The following RUNX1 variants were observed in gnomAD, a reference collection of about 807,000 sequenced individuals.
RUNX1 encodes RUNX family transcription factor 1.
RUNX1 carries 19 observed loss-of-function variants against 42.8 expected under a neutral mutation model. That is an observed-to-expected ratio of 0.44 (90% CI 0.31 to 0.65). The LOEUF is 0.65. Among genes scored for constraint, RUNX1 ranks in the 30% least tolerant of loss-of-function variants. RUNX1 has a pLI of 0.07. For synonymous variants in RUNX1, 271 were observed against 289.4 expected (o/e 0.94, Z 0.64); for missense variants, 528 against 672.0 (o/e 0.79, Z 2.37).
intron 2 of RUNX1, among the ~76,000 whole-genome samples, chr21:35,039,721 G>A (rs1028973962): frequency 2.6e-5 from 4 of 152,308 alleles, no homozygotes; most frequent in Admixed American, 1.3e-4. Flanking sequence ...TAATGATATG[G>A]AATGATTGAC....
rs58376686 is a variant in RUNX1, at chr21:34,879,409, T to A, written c.508+1148A>T. Reference sequence around the variant, plus strand: ...ATGAAAATGCTCCAGATAGCTAGGATAGCAAAAATAATCACCAAAATAATC... The same window carrying A: ...ATGAAAATGCTCCAGATAGCTAGGAAAGCAAAAATAATCACCAAAATAATC... On this transcript the variant is annotated intron_variant, in intron 5 of 8. Transcript: ENST00000675419. 2.4e-3 allele frequency among the ~76,000 whole-genome samples: 363 copies of A among 152,270 alleles called. 4 individuals are homozygous for A. The highest frequency in any genetic ancestry group is 8.3e-3 in the African/African-American group (346 of 41,570).
intron 2 of RUNX1, among the ~76,000 whole-genome samples, chr21:34,930,297 A>ATATATATGT (rs1569110430): frequency 3.1e-5 from 4 of 131,042 alleles, no homozygotes; most frequent in African/African-American, 1.1e-4. Flanking sequence ...TATATAAATA[A>ATATATATGT]ATAAATAAAA....
chr21:34,911,428 T>C (rs1464900953), intron 2 of RUNX1, among the ~76,000 whole-genome samples: 2 of 152,148 alleles, frequency 1.3e-5, no homozygotes, highest in East Asian at 3.9e-4. Flanking sequence ...CCAAGGTGCC[T>C]GACAGCTGCA....
intron 7 of RUNX1, among the ~76,000 whole-genome samples, chr21:34,802,719 TC>T: frequency 1.3e-5 from 2 of 152,308 alleles, no homozygotes; most frequent in South Asian, 4.1e-4. Flanking sequence ...CCTAGTGGTA[TC>T]TATTACATGC....
chr21:34,848,720 C>T (rs2057351925), intron 6 of RUNX1, among the ~76,000 whole-genome samples: 2 of 152,200 alleles, frequency 1.3e-5, no homozygotes, highest in African/African-American at 2.4e-5. Context: ...CAGGCGTGAG[C>T]TACCGCGCCC....
At chr21:34,890,653 G>C (rs2058070592) in intron 3 of RUNX1, among the ~76,000 whole-genome samples, 2 of 152,228 alleles carry the variant, frequency 1.3e-5, no homozygotes, top group Admixed American at 6.5e-5. Context: ...AATGGACCTG[G>C]GGTCTCGGAA....
chr21:34,867,589 A>T (rs1223636715), intron 5 of RUNX1, among the ~76,000 whole-genome samples: 1 of 152,238 alleles, frequency 6.6e-6, no homozygotes, highest in African/African-American at 2.4e-5. Flanking sequence ...GGTTTGCAAA[A>T]GGAGTGGAGG....
intron 8 of RUNX1, among the ~76,000 whole-genome samples, chr21:34,794,487 T>C (rs1456276305): frequency 6.6e-6 from 1 of 152,248 alleles, no homozygotes; most frequent in Non-Finnish European, 1.5e-5. Context: ...ATGTAGGACC[T>C]TGATTTATCT....
intron 2 of RUNX1, chr21:35,038,611 C>CTGTGTGTGTG (rs1234796159): frequency 6.9e-6 from 2 of 288,294 alleles, no homozygotes; most frequent in Admixed American, 4.0e-5. Flanking sequence ...CTCTCTCTCT[C>CTGTGTGTGTG]TCTGTGTGTG....
At chr21:34,833,740 C>T (rs577973100) in intron 7 of RUNX1, 37 of 169,310 alleles carry the variant, frequency 2.2e-4, no homozygotes, top group Non-Finnish European at 4.3e-4. Context: ...CAGTCATTGA[C>T]GTCACTGGTC....
At chr21:34,811,580 T>C (rs1318391365) in intron 7 of RUNX1, among the ~76,000 whole-genome samples, 2 of 152,254 alleles carry the variant, frequency 1.3e-5, no homozygotes, top group African/African-American at 2.4e-5. Context: ...CCAAGAGCTC[T>C]GAACGGCTTT....
rs117846350 is a variant in RUNX1, at chr21:34,950,603, G to A, written c.59-57640C>T. 8.6e-3 allele frequency among the ~76,000 whole-genome samples: 1,313 copies of A among 152,312 alleles called. 10 individuals are homozygous for A. Among genetic ancestry groups the A allele is most frequent in the Middle Eastern group, 0.037 (11 of 294 alleles). On this transcript the variant is annotated intron_variant, in intron 2 of 8. Transcript: ENST00000675419. ...AATACAAAAATTAGCTGCGCATGGTGGCGGGTGCCTGTAGTCTCAGCTATT... is the reference window on the plus strand; with the variant it reads ...AATACAAAAATTAGCTGCGCATGGTAGCGGGTGCCTGTAGTCTCAGCTATT...
intron 2 of RUNX1, among the ~76,000 whole-genome samples, chr21:34,972,239 C>A (rs2058768907): frequency 6.6e-6 from 1 of 152,166 alleles, no homozygotes; most frequent in Non-Finnish European, 1.5e-5. Context: ...GCCTTGAATT[C>A]ATACTTTTCA....
At chr21:35,045,723 CAGA>C (rs1288041122) in intron 2 of RUNX1, among the ~76,000 whole-genome samples, 3 of 152,110 alleles carry the variant, frequency 2.0e-5, no homozygotes, top group Non-Finnish European at 4.4e-5. Context: ...TCAGTCAAGC[CAGA>C]AGAAGTGTCT....
At chr21:34,829,832 A>G (rs2057038231) in intron 7 of RUNX1, 1 of 152,226 alleles carries the variant, frequency 6.6e-6, no homozygotes, top group Admixed American at 6.5e-5. Flanking sequence ...AAAGCAATGC[A>G]ATGCAGTTGG....
chr21:34,919,188 AT>A (rs1279703504), intron 2 of RUNX1, among the ~76,000 whole-genome samples: 2 of 152,148 alleles, frequency 1.3e-5, no homozygotes, highest in Non-Finnish European at 2.9e-5. Context: ...AACCTAGACA[AT>A]TTGGTTCCTG....
At position 34,812,382 on chromosome 21, in the gene RUNX1, G is replaced by C. The variant is rs545600738; in HGVS notation, c.806-12920C>G. ...GGTTAATAACACAGGTTGGTGAGGT[G>C]GAATTTGCAGCATAAAGGAAACACT... On this transcript the variant is annotated intron_variant, in intron 7 of 8. Coordinates refer to ENST00000675419, the MANE Select transcript of RUNX1 (RefSeq NM_001754.5). Among the ~76,000 whole-genome samples the C allele has an allele frequency of 2.0e-5, 3 of 152,298 alleles. No homozygotes were observed. The East Asian group carries it at 5.8e-4, about 29-fold the overall frequency.
intron 6 of RUNX1, among the ~76,000 whole-genome samples, chr21:34,847,217 C>T (rs768489813): frequency 1.3e-5 from 2 of 152,038 alleles, no homozygotes; most frequent in Non-Finnish European, 2.9e-5. Context: ...AACTATTTGC[C>T]AAGGTTACTT....
chr21:34,835,879 GA>G (rs2057138875), intron 6 of RUNX1, among the ~76,000 whole-genome samples: 1 of 152,318 alleles, frequency 6.6e-6, no homozygotes, highest in South Asian at 2.1e-4. Flanking sequence ...GGTAAGAGCA[GA>G]CCACGAGAAG....
Sources: gnomAD v4.1 joint callset for allele counts (sites outside exome capture counted in the v4.1 genomes callset) on GRCh38, gnomAD v4.1.1 for gene constraint, MANE v1.5 for transcripts, NCBI Gene and HGNC (gene_info 2026-07-23, HGNC 2026-07-21) for gene names.